The following ZNF226 variants were observed in gnomAD, a reference collection of about 807,000 sequenced individuals.
The protein encoded by ZNF226 is Kruppel-associated box protein.
ZNF226 carries 6 observed loss-of-function variants against 11.4 expected under a neutral mutation model. The observed-to-expected ratio is 0.53, with a 90% CI of 0.29 to 1.04. ZNF226 has a LOEUF of 1.04. Among genes scored for constraint, ZNF226 ranks in the 50% least tolerant of loss-of-function variants. The pLI, the probability that ZNF226 is intolerant of heterozygous loss-of-function variation, is 0.08. For synonymous variants in ZNF226, 350 were observed against 322.8 expected, an observed-to-expected ratio of 1.08 and a Z score of -0.90; for missense variants, 1,058 against 956.5, an observed-to-expected ratio of 1.11 and a Z score of -1.40.
chr19:44,180,108 AAAACC>A (rs1970885240), downstream of ZNF226, among the ~76,000 whole-genome samples: 1 of 150,228 alleles, frequency 6.7e-6, no homozygotes, highest in African/African-American at 2.5e-5. Context: ...AAAAAAAAAA[AAAACC>A]CAAGAAGGTG....
At chr19:44,172,998 G>C in intron 5 of ZNF226, 46 bp downstream of exon 5, 1 of 1,524,828 alleles carries the variant, frequency 6.6e-7, no homozygotes, top group Non-Finnish European at 8.9e-7. Context: ...CTGTCCATCT[G>C]CTTTGCTTCT....
chr19:44,183,133 A>G (rs1970932259), downstream of ZNF226, among the ~76,000 whole-genome samples: 1 of 152,226 alleles, frequency 6.6e-6, no homozygotes, highest in Admixed American at 6.5e-5. Context: ...AGCTGTGATT[A>G]GGTAATTGGA....
chr19:44,195,685 T>TG, the ZNF226 span, among the ~76,000 whole-genome samples: 1 of 152,202 alleles, frequency 6.6e-6, no homozygotes, highest in African/African-American at 2.4e-5. Context: ...TGTAAGGTTG[T>TG]GGTGGCCTTT....
Position 44,172,015 on chromosome 19 carries a change from C to T in ZNF226, c.16-73C>T, listed in dbSNP as rs959864442. On this transcript the variant is annotated intron_variant, in intron 3 of 5. Transcript: ENST00000337433. The stretch of plus-strand genomic sequence containing the variant: ...CGGCTGGGCATCCAGAACAACTTTC[C>T]ACCTGTTCTCAGTGTTACCCATCTT... The T allele has an allele frequency of 3.4e-5, 54 of 1,571,488 alleles. No homozygotes were observed. The African/African-American group carries it at 4.8e-4, about 14-fold the overall frequency.
At chr19:44,167,443 C>T (rs911374759) in intron 2 of ZNF226, among the ~76,000 whole-genome samples, 7 of 151,354 alleles carry the variant, frequency 4.6e-5, no homozygotes, top group African/African-American at 1.5e-4. Flanking sequence ...CTCAACCTCC[C>T]AAACATCTGA....
downstream of ZNF226, among the ~76,000 whole-genome samples, chr19:44,180,014 G>T (rs1970881975): frequency 6.7e-6 from 1 of 149,472 alleles, no homozygotes; most frequent in Non-Finnish European, 1.5e-5. Flanking sequence ...TTGAACCCAG[G>T]AGGTGGAGGT....
intron 3 of ZNF226, among the ~76,000 whole-genome samples, chr19:44,170,368 AGG>A (rs1568564906): frequency 6.6e-6 from 1 of 151,852 alleles, no homozygotes; most frequent in Admixed American, 6.6e-5. Context: ...AGGCCGAGGC[AGG>A]GGGTGGGATC....
At chr19:44,179,883 G>C (rs947396498), downstream of ZNF226, among the ~76,000 whole-genome samples, 1 of 151,808 alleles carries the variant, frequency 6.6e-6, no homozygotes, top group Non-Finnish European at 1.5e-5. Context: ...AGGAGTTTGA[G>C]CCCAACCTGG....
chr19:44,179,757 A>G (rs1424854222), downstream of ZNF226, among the ~76,000 whole-genome samples: 2 of 152,032 alleles, frequency 1.3e-5, no homozygotes, highest in East Asian at 3.9e-4. Context: ...CTGTATGGCA[A>G]GGAAAATCGA....
chr19:44,186,218 T>C, the ZNF226 span, among the ~76,000 whole-genome samples: 1 of 152,034 alleles, frequency 6.6e-6, no homozygotes, highest in African/African-American at 2.4e-5. Context: ...TTTAGAATTT[T>C]TTTTTCCTAT....
At position 44,172,884 on chromosome 19, in the gene ZNF226, T is replaced by C; in HGVS notation, c.167T>C (p.Val56Ala). 6.2e-7 allele frequency: 1 copy of C among 1,605,086 alleles called. No homozygotes were observed. Among genetic ancestry groups the C allele is most frequent in the East Asian group, 2.2e-5 (1 of 44,720 alleles). Residue 56 changes from valine (V) to alanine (A), a missense_variant, in exon 5 of 6, where the codon GTA becomes GCA. Val to Ala is a moderately conservative substitution (Grantham distance 64). Coordinates refer to ENST00000337433, the MANE Select transcript of ZNF226 (RefSeq NM_001032373.2). The part of the protein sequence containing the change: ...SVGHPPFKQD[V>A]SPIERNEQLW... ...GGGCATCCACCCTTCAAACAAGATG[T>C]ATCACCTATAGAAAGAAATGAGCAG...
rs540045019 is a variant in ZNF226 at position 44,166,532 on chromosome 19, C to T, written c.-47+725C>T. On this transcript the variant is annotated intron_variant, in intron 2 of 5. Coordinates refer to ENST00000337433, the MANE Select transcript of ZNF226 (RefSeq NM_001032373.2). ...GAAAAGAGTTTTTAAAAATAGTTTT[C>T]TCAATTATTAGTTTTATTTGTTTCA... Among the ~76,000 whole-genome samples, 265 of 152,200 alleles carry T rather than the reference C, an allele frequency of 1.7e-3. 1 individual carries two copies. The highest frequency in any genetic ancestry group is 6.0e-3 in the African/African-American group (251 of 41,534).
the ZNF226 span, among the ~76,000 whole-genome samples, chr19:44,188,229 C>T: frequency 2.0e-5 from 3 of 152,086 alleles, no homozygotes; most frequent in African/African-American, 7.2e-5. Context: ...ATTAAAGTAT[C>T]CTACTATTAT....
downstream of ZNF226, among the ~76,000 whole-genome samples, chr19:44,179,811 G>A (rs533103677): frequency 3.3e-5 from 5 of 151,802 alleles, no homozygotes; most frequent in African/African-American, 9.7e-5. Flanking sequence ...GGCCAGGTGC[G>A]GTTGCTCGTG....
downstream of ZNF226, among the ~76,000 whole-genome samples, chr19:44,179,687 C>T (rs1008091149): frequency 6.6e-6 from 1 of 152,136 alleles, no homozygotes; most frequent in Non-Finnish European, 1.5e-5. Flanking sequence ...ACCCAGGGCA[C>T]TGGCTTGTCT....
chr19:44,177,746 C>G, downstream of ZNF226: 1 of 1,456,522 alleles, frequency 6.9e-7, no homozygotes, highest in Non-Finnish European at 9.1e-7. Flanking sequence ...TCAGCCGTAG[C>G]TCCTCATGTC....
chr19:44,189,351 G>A, the ZNF226 span, among the ~76,000 whole-genome samples: 1 of 152,212 alleles, frequency 6.6e-6, no homozygotes, highest in African/African-American at 2.4e-5. Context: ...TGGGAATTAG[G>A]TGAGACCTAA....
intron 3 of ZNF226, among the ~76,000 whole-genome samples, chr19:44,170,745 TAAATAAA>T (rs1429240144): frequency 6.6e-6 from 1 of 151,606 alleles, no homozygotes; most frequent in African/African-American, 2.4e-5. Context: ...AAAAAATAAA[TAAATAAA>T]AAATAAAAAA....
intron 4 of ZNF226, 87 bp from the exon 5 acceptor site, chr19:44,172,773 T>G: frequency 9.5e-7 from 1 of 1,054,036 alleles, no homozygotes; most frequent in Non-Finnish European, 1.4e-6. Context: ...GCTTTCAGTG[T>G]CTTGAATGTG....
Sources: gnomAD v4.1 joint callset for allele counts (sites outside exome capture counted in the v4.1 genomes callset) on GRCh38, gnomAD v4.1.1 for gene constraint, MANE v1.5 for transcripts, NCBI Gene and HGNC (gene_info 2026-07-23, HGNC 2026-07-21) for gene names.